Variants in DHRS7B observed in about 807,000 individuals in gnomAD.
The protein encoded by DHRS7B is dehydrogenase/reductase 7B, also known as peroxisomal reductase activating PPAR-gamma.
A neutral mutation model predicts 26.4 loss-of-function variants in DHRS7B; 24 were observed. The ratio of observed to expected loss-of-function variants is 0.91; its 90% CI spans 0.66 to 1.28. DHRS7B has a LOEUF of 1.28. DHRS7B is among the 50% of genes most tolerant of loss of function. The probability of loss-of-function intolerance (pLI) is 0.00; values close to 1 mark genes in which losing one functional copy is unlikely to be tolerated. For missense variants in DHRS7B, 368 were observed against 419.4 expected (o/e 0.88, Z 1.07); for synonymous variants, 142 against 166.4 (o/e 0.85, Z 1.13).
chr17:21,128,055 A>G (rs1188378579), intron 1 of DHRS7B: 2 of 152,206 alleles, frequency 1.3e-5, no homozygotes, highest in Non-Finnish European at 2.9e-5. Context: ...CCCTAATCAT[A>G]GGAACTATAA....
intron 1 of DHRS7B, among the ~76,000 whole-genome samples, chr17:21,138,065 T>TAAAAAA (rs1567616007): frequency 4.9e-4 from 5 of 10,218 alleles, no homozygotes; most frequent in African/African-American, 2.2e-3. Context: ...CCGGCCTCTT[T>TAAAAAA]TAAAAAAAAA....
intron 1 of DHRS7B, among the ~76,000 whole-genome samples, chr17:21,136,545 TTTTG>T (rs150550451): frequency 4.0e-5 from 6 of 150,912 alleles, no homozygotes; most frequent in Non-Finnish European, 7.4e-5. Flanking sequence ...TTGTGGGTTT[TTTTG>T]TTTGTTTGTT....
intron 1 of DHRS7B, among the ~76,000 whole-genome samples, chr17:21,129,058 A>T (rs1319045321): frequency 6.6e-6 from 1 of 152,180 alleles, no homozygotes. Context: ...GTGTACCAGC[A>T]TTGTGCTGGG....
chr17:21,142,490 T>C (rs1973539507), intron 1 of DHRS7B, among the ~76,000 whole-genome samples: 1 of 152,190 alleles, frequency 6.6e-6, no homozygotes, highest in South Asian at 2.1e-4. Flanking sequence ...GGTCTCTCTC[T>C]TCCTTCAGAG....
chr17:21,188,933 C>G (rs1221055041), intron 6 of DHRS7B, 70 bp downstream of exon 6: 1 of 1,581,974 alleles, frequency 6.3e-7, no homozygotes, highest in African/African-American at 1.4e-5. Context: ...GCTGCTCTTA[C>G]TTCAGTGATT....
intron 1 of DHRS7B, among the ~76,000 whole-genome samples, chr17:21,137,597 A>G (rs780778793): frequency 4.6e-5 from 7 of 152,062 alleles, no homozygotes; most frequent in Non-Finnish European, 8.8e-5. Flanking sequence ...AGCTGGGATT[A>G]GAGGCATGTG....
At chr17:21,188,902 C>A in intron 6 of DHRS7B, 39 bp downstream of exon 6, 1 of 1,612,266 alleles carries the variant, frequency 6.2e-7, no homozygotes, top group South Asian at 1.1e-5. Context: ...GAAAATCTGT[C>A]GGTCAGCCAC....
intron 1 of DHRS7B, among the ~76,000 whole-genome samples, chr17:21,141,640 A>AAAAAAAAACG: frequency 1.1e-5 from 1 of 90,078 alleles, no homozygotes; most frequent in Non-Finnish European, 2.1e-5. Context: ...AAAAAAAAAA[A>AAAAAAAAACG]CAACCTCATC....
chr17:21,144,713 G>C (rs1657719693), intron 1 of DHRS7B, among the ~76,000 whole-genome samples: 1 of 152,152 alleles, frequency 6.6e-6, no homozygotes, highest in South Asian at 2.1e-4. Flanking sequence ...AGCTACGTGG[G>C]AAGCTGAGGC....
chr17:21,143,904 C>A (rs1773300076), intron 1 of DHRS7B, among the ~76,000 whole-genome samples: 1 of 152,198 alleles, frequency 6.6e-6, no homozygotes, highest in Non-Finnish European at 1.5e-5. Flanking sequence ...ATTTGCTTAT[C>A]ATTTCAGATG....
chr17:21,171,907 G>A (rs1974256472), intron 1 of DHRS7B, 111 bp from the exon 2 acceptor site: 1 of 1,330,630 alleles, frequency 7.5e-7, no homozygotes, highest in African/African-American at 1.4e-5. Context: ...GCTTAGAGCT[G>A]GAGTCCACAG....
intron 1 of DHRS7B, among the ~76,000 whole-genome samples, chr17:21,136,561 G>A (rs542141003): frequency 3.5e-4 from 46 of 130,546 alleles, no homozygotes; most frequent in African/African-American, 1.1e-3. Context: ...TTGTTTGTTT[G>A]TTTGTTTTGA....
chr17:21,162,004 GTT>G (rs1408156857), intron 1 of DHRS7B, among the ~76,000 whole-genome samples: 3 of 151,640 alleles, frequency 2.0e-5, no homozygotes, highest in Non-Finnish European at 4.4e-5. Flanking sequence ...TCACAAAAAT[GTT>G]TTTCACACAG....
intron 1 of DHRS7B, among the ~76,000 whole-genome samples, chr17:21,151,171 A>G (rs1973761933): frequency 1.3e-5 from 2 of 152,194 alleles, no homozygotes; most frequent in Admixed American, 6.5e-5. Context: ...AAATGGCCGC[A>G]GGGCTTTGAA....
intron 1 of DHRS7B, among the ~76,000 whole-genome samples, chr17:21,147,745 A>G (rs1973672956): frequency 6.6e-6 from 1 of 152,200 alleles, no homozygotes; most frequent in African/African-American, 2.4e-5. Context: ...GCCTGAAGGG[A>G]GAAATCCCTG....
chr17:21,154,088 C>T (rs1973829851), intron 1 of DHRS7B, among the ~76,000 whole-genome samples: 1 of 152,088 alleles, frequency 6.6e-6, no homozygotes, highest in South Asian at 2.1e-4. Flanking sequence ...GTGGGTGGAT[C>T]ACCTGAGATC....
Position 21,179,072 on chromosome 17 carries a change from G to A in DHRS7B, c.309+730G>A, listed in dbSNP as rs1974455121. On this transcript the variant is annotated intron_variant, in intron 3 of 6. Transcript: ENST00000395511. Reference sequence around the variant, plus strand: ...TGATCCTCCCACGTCAGCCTCTTGAGTAGCTAGGACTATAGGCATGTGCCA... The same window carrying A: ...TGATCCTCCCACGTCAGCCTCTTGAATAGCTAGGACTATAGGCATGTGCCA... Among the ~76,000 whole-genome samples, 3 of 152,148 alleles carry A rather than the reference G, an allele frequency of 2.0e-5. No homozygotes were observed. In the South Asian group the frequency reaches 6.2e-4, roughly 31 times the overall value.
chr17:21,141,034 T>C (rs1384959862), intron 1 of DHRS7B, among the ~76,000 whole-genome samples: 2 of 152,152 alleles, frequency 1.3e-5, no homozygotes, highest in Non-Finnish European at 2.9e-5. Context: ...TCTCAGTTTC[T>C]CTCTCCAGAG....
chr17:21,184,961 A>G (rs1974599717), intron 5 of DHRS7B, among the ~76,000 whole-genome samples: 1 of 152,210 alleles, frequency 6.6e-6, no homozygotes, highest in Non-Finnish European at 1.5e-5. Flanking sequence ...GTATCTTTCT[A>G]CATCAGCATG....
Sources: allele counts gnomAD v4.1 joint callset (sites outside exome capture counted in the v4.1 genomes callset), GRCh38; gene constraint gnomAD v4.1.1; transcripts MANE v1.5; gene names NCBI Gene and HGNC (gene_info 2026-07-23, HGNC 2026-07-21).